Variants in ARHGAP10 observed in about 807,000 individuals in gnomAD.
ARHGAP10 encodes Rho GTPase activating protein 10, also known as rho GTPase-activating protein 10.
Under a neutral mutation model 108.6 loss-of-function variants are expected in ARHGAP10, and 87 were observed. The observed-to-expected ratio is 0.80, with a 90% CI of 0.67 to 0.96. The LOEUF (loss-of-function observed/expected upper bound fraction) is 0.96, where lower values mean the gene tolerates loss of function less well. ARHGAP10 is among the 40% of genes least tolerant of loss of function. ARHGAP10 has a pLI of 0.00. For missense variants in ARHGAP10, 939 were observed against 954.5 expected (o/e 0.98, Z 0.21); for synonymous variants, 347 against 341.1 (o/e 1.02, Z -0.19).
chr4:147,743,789 T>G (rs1444012119), intron 1 of ARHGAP10, among the ~76,000 whole-genome samples: 2 of 152,052 alleles, frequency 1.3e-5, no homozygotes, highest in Admixed American at 1.3e-4. Context: ...AAAAAATAAA[T>G]AAATACATAA....
At chr4:147,746,403 G>GC (rs1261007915) in intron 1 of ARHGAP10, among the ~76,000 whole-genome samples, 5 of 144,644 alleles carry the variant, frequency 3.5e-5, no homozygotes, top group African/African-American at 1.3e-4. Context: ...CGCCAGGCCT[G>GC]CTTTTTTTTT....
chr4:147,894,741 C>T (rs1735919930), intron 10 of ARHGAP10, among the ~76,000 whole-genome samples: 1 of 151,892 alleles, frequency 6.6e-6, no homozygotes, highest in East Asian at 1.9e-4. Context: ...TTATTTTTTC[C>T]CCAGGTGAAT....
At position 147,891,735 on chromosome 4, in the gene ARHGAP10, A is replaced by G. The variant is rs1735801925; in HGVS notation, c.1034+9803A>G. On this transcript the variant is annotated intron_variant, in intron 10 of 22. Transcript: ENST00000336498. ...CACTACATGACGTCAGCCACATTTC[A>G]GAGACCATGGGCTATGAAATGATTA... 2.6e-5 allele frequency among the ~76,000 whole-genome samples: 4 copies of G among 152,340 alleles called. No individual in the cohort carries two copies. In the South Asian group the frequency reaches 6.2e-4, roughly 24 times the overall value.
intron 19 of ARHGAP10, among the ~76,000 whole-genome samples, chr4:148,031,065 C>A (rs1728129193): frequency 6.6e-6 from 1 of 151,878 alleles, no homozygotes; most frequent in Admixed American, 6.6e-5. Flanking sequence ...TCTCCAACAA[C>A]AACAACAAAA....
intron 1 of ARHGAP10, among the ~76,000 whole-genome samples, chr4:147,766,627 T>TATACAC (rs1729827667): frequency 7.2e-6 from 1 of 138,922 alleles, no homozygotes; most frequent in Non-Finnish European, 1.6e-5. Context: ...TATACACATA[T>TATACAC]ATATACGTAT....
intron 10 of ARHGAP10, among the ~76,000 whole-genome samples, chr4:147,904,534 CA>C (rs1470928285): frequency 6.6e-6 from 1 of 152,120 alleles, no homozygotes; most frequent in East Asian, 1.9e-4. Context: ...TTTCCAATTT[CA>C]TCCATGTCCC....
intron 13 of ARHGAP10, among the ~76,000 whole-genome samples, chr4:147,933,369 C>T (rs1282682945): frequency 6.6e-6 from 1 of 152,230 alleles, no homozygotes; most frequent in African/African-American, 2.4e-5. Context: ...GCTGGGATTA[C>T]AGGCACTCGC....
chr4:147,800,294 A>C (rs973087482), intron 1 of ARHGAP10, among the ~76,000 whole-genome samples: 1 of 152,098 alleles, frequency 6.6e-6, no homozygotes, highest in Non-Finnish European at 1.5e-5. Flanking sequence ...TTGAGATGGA[A>C]TCTCTCTACC....
intron 1 of ARHGAP10, among the ~76,000 whole-genome samples, chr4:147,800,957 C>A (rs752114669): frequency 1.3e-5 from 2 of 152,226 alleles, no homozygotes; most frequent in Non-Finnish European, 2.9e-5. Flanking sequence ...AGGTGCCTGA[C>A]ACCATGCCTG....
chr4:148,060,462 C>G (rs184759568), intron 20 of ARHGAP10, among the ~76,000 whole-genome samples: 1 of 151,046 alleles, frequency 6.6e-6, no homozygotes, highest in East Asian at 2.0e-4. Context: ...ACCCATTACA[C>G]GACTTAAGTA....
chr4:147,881,734 C>G, intron 9 of ARHGAP10, 104 bp from the exon 10 acceptor site: 1 of 893,424 alleles, frequency 1.1e-6, no homozygotes, highest in Non-Finnish European at 1.8e-6. Context: ...AAGAGAAGGA[C>G]TTAAGATCTT....
At chr4:147,992,297 A>T (rs1740306842) in intron 18 of ARHGAP10, among the ~76,000 whole-genome samples, 1 of 152,052 alleles carries the variant, frequency 6.6e-6, no homozygotes, top group Admixed American at 6.5e-5. Flanking sequence ...TCTCGTCTAC[A>T]TCTGGTCAAA....
chr4:147,764,644 G>A (rs888040635), intron 1 of ARHGAP10, among the ~76,000 whole-genome samples: 5 of 151,968 alleles, frequency 3.3e-5, no homozygotes, highest in East Asian at 1.9e-4. Flanking sequence ...AGGGATTCTC[G>A]TGCCTCAGCC....
At chr4:147,867,965 G>A (rs999907245) in intron 7 of ARHGAP10, among the ~76,000 whole-genome samples, 2 of 149,952 alleles carry the variant, frequency 1.3e-5, no homozygotes, top group Non-Finnish European at 2.9e-5. Context: ...ATACTAAGGA[G>A]TGTAGCTGAT....
chr4:147,819,985 C>G (rs1389322005), intron 1 of ARHGAP10, among the ~76,000 whole-genome samples: 1 of 152,118 alleles, frequency 6.6e-6, no homozygotes, highest in Non-Finnish European at 1.5e-5. Flanking sequence ...CAAATATTGA[C>G]TAAATAAGTT....
At chr4:147,882,212 CA>C (rs1735355541) in intron 10 of ARHGAP10, among the ~76,000 whole-genome samples, 1 of 152,078 alleles carries the variant, frequency 6.6e-6, no homozygotes, top group Middle Eastern at 3.2e-3. Flanking sequence ...CCTGTAATCC[CA>C]GCACTTTGGG....
At chr4:147,963,994 T>A (rs1250878548) in intron 16 of ARHGAP10, among the ~76,000 whole-genome samples, 1 of 152,256 alleles carries the variant, frequency 6.6e-6, no homozygotes. Flanking sequence ...GCAACAGCTC[T>A]CTTCCCAAAT....
At chr4:147,865,024 C>A in intron 6 of ARHGAP10, 68 bp downstream of exon 6, 1 of 1,372,972 alleles carries the variant, frequency 7.3e-7, no homozygotes, top group Non-Finnish European at 1.0e-6. Flanking sequence ...TTTCCTAGAT[C>A]TGATTTATGG....
intron 1 of ARHGAP10, among the ~76,000 whole-genome samples, chr4:147,785,405 T>G (rs964917980): frequency 3.3e-5 from 5 of 152,122 alleles, no homozygotes; most frequent in Admixed American, 2.0e-4. Context: ...CTTGAGAACT[T>G]TAGGCATAAG....
Sources: allele counts gnomAD v4.1 joint callset (sites outside exome capture counted in the v4.1 genomes callset), GRCh38; gene constraint gnomAD v4.1.1; transcripts MANE v1.5; gene names NCBI Gene and HGNC (gene_info 2026-07-23, HGNC 2026-07-21).